Variants in DCXR observed in about 807,000 individuals in gnomAD.
DCXR encodes dicarbonyl and L-xylulose reductase.
In DCXR, 24 loss-of-function variants were observed where a neutral mutation model predicts 25.9. The observed-to-expected ratio is 0.93, with a 90% CI of 0.67 to 1.30. The LOEUF is 1.30. Among genes scored for constraint, DCXR ranks in the 50% most tolerant of loss-of-function variants. The pLI is 0.00. For synonymous variants in DCXR, 161 were observed against 141.7 expected, an observed-to-expected ratio of 1.14 and a Z score of -0.97; for missense variants, 348 against 333.7, an observed-to-expected ratio of 1.04 and a Z score of -0.33.
At chr17:82,037,047 T>C (rs2043501017) in intron 2 of DCXR, 34 bp from the exon 3 acceptor site, 9 of 1,549,064 alleles carry the variant, frequency 5.8e-6, no homozygotes, top group Non-Finnish European at 7.8e-6. Context: ...CCAGAGGCTC[T>C]GTGCCCAGCA....
Position 82,035,917 on chromosome 17 carries a change from G to A in DCXR, c.*43C>T. 3.3e-6 allele frequency: 5 copies of A among 1,521,986 alleles called. No individual in the cohort carries two copies. The highest frequency in any genetic ancestry group is 4.5e-6 in the Non-Finnish European group (5 of 1,100,200). 94.3% of individuals were successfully genotyped at this position (1,521,986 alleles called of 1,614,324 possible). Reference sequence around the variant, plus strand: ...ATCAGGTTTATTGGAGGGATTGGGGGTAGGATGAGCACGGCATGGGGCTTG... The same window carrying A: ...ATCAGGTTTATTGGAGGGATTGGGGATAGGATGAGCACGGCATGGGGCTTG... On this transcript the variant is annotated 3_prime_UTR_variant, in exon 8 of 8. Coordinates refer to ENST00000306869, the MANE Select transcript of DCXR (RefSeq NM_016286.4).
In DCXR at chr17:82,037,464, T is replaced by C; in HGVS notation, c.136A>G (p.Ser46Gly). ...AVSRTQADLD[S>G]LVRECPGIEP... ...GCGGGACCTACCTCGCGGACAAGGC[T>C]GTCAAGATCCGCCTGAGTCCGGCTC... The change falls in exon 2 of 8, where the codon AGC becomes GGC. Residue 46 changes from serine to glycine, a missense_variant. Physicochemically the swap from Ser to Gly is moderately conservative, Grantham distance 56. Transcript: ENST00000306869. 1 of 1,530,716 alleles carries C rather than the reference T, an allele frequency of 6.5e-7. No individual in the cohort carries two copies. Among genetic ancestry groups the C allele is most frequent in the African/African-American group, 1.4e-5 (1 of 71,378 alleles). The allele number at this position is 1,530,716 out of a possible 1,614,324, so 94.8% of individuals were successfully genotyped here.
Position 82,036,262 on chromosome 17 carries a change from C to A in DCXR, c.560G>T (p.Gly187Val), listed in dbSNP as rs1392733735. ...GTGGGGGTCACTCCAGGTGGCCTGG[C>A]CCATGGACGTCATCACCACTGTGGG... ...VNPTVVMTSM[G>V]QATWSDPHKA... Residue 187 changes from glycine (G) to valine (V), a missense_variant, in exon 7 of 8, where the codon GGC (glycine) becomes GTC (valine). Transcript: ENST00000306869. 1 of 1,613,672 alleles carries A rather than the reference C, an allele frequency of 6.2e-7. No individual in the cohort carries two copies. The highest frequency in any genetic ancestry group is 1.7e-5 in the Admixed American group (1 of 60,012).
At position 82,036,438 on chromosome 17, in the gene DCXR, C is replaced by G. The variant is rs762809374; in HGVS notation, c.459G>C (p.Lys153Asn). Residue 153 changes from lysine to asparagine, a missense_variant, in exon 6 of 8, where the codon AAG (lysine) becomes AAC (asparagine). Coordinates refer to ENST00000306869, the MANE Select transcript of DCXR (RefSeq NM_016286.4). ...VTNHSVYCST[K>N]GALDMLTKVM... ...CCTTGGTCAGCATGTCCAGGGCACC[C>G]TTGGTGGAGCCTACGAAGAGGAACC... 7 of 1,613,418 alleles carry G rather than the reference C, an allele frequency of 4.3e-6. No homozygotes were observed. The highest frequency in any genetic ancestry group is 1.1e-5 in the South Asian group (1 of 91,074).
intron 4 of DCXR, 34 bp downstream of exon 4, chr17:82,036,687 C>A: frequency 1.9e-6 from 3 of 1,613,568 alleles, no homozygotes; most frequent in Non-Finnish European, 2.5e-6. Flanking sequence ...GCATCACTCA[C>A]GAGAATTCCC....
chr17:82,037,144 G>T, intron 2 of DCXR, 131 bp from the exon 3 acceptor site: 1 of 1,223,144 alleles, frequency 8.2e-7, no homozygotes, highest in South Asian at 1.4e-5. Context: ...GGACTGTGGG[G>T]CCAGCAGCCG....
intron 2 of DCXR, 173 bp downstream of exon 2, chr17:82,037,277 G>T: frequency 2.2e-6 from 2 of 923,924 alleles, no homozygotes; most frequent in Non-Finnish European, 3.1e-6. Flanking sequence ...CCGACCACCC[G>T]GCCGCCCACG....
rs781252459 is a variant in DCXR at position 82,036,952 on chromosome 17, A to T, written c.212T>A (p.Leu71Gln). The T allele has an allele frequency of 1.2e-5, 19 of 1,603,560 alleles. No individual in the cohort carries two copies. The highest frequency in any genetic ancestry group is 1.2e-5 in the Non-Finnish European group (14 of 1,175,816). ...LGDWEATERA[L>Q]GSVGPVDLLV... ...CAGGTCCACGGGGCCCACGCTGCCC[A>T]GCGCCCGCTCGGTGGCCTCCCAGTC... Residue 71 changes from leucine (L) to glutamine (Q), a missense_variant, in exon 3 of 8, where the codon CTG becomes CAG. Physicochemically the swap from Leu to Gln is moderately radical, Grantham distance 113. Coordinates refer to ENST00000306869, the MANE Select transcript of DCXR (RefSeq NM_016286.4).
At chr17:82,036,479 TGGG>T in intron 5 of DCXR, 31 bp from the exon 6 acceptor site, 1 of 1,612,408 alleles carries the variant, frequency 6.2e-7, no homozygotes, top group Middle Eastern at 1.6e-4. Context: ...TGGCTGGGGC[TGGG>T]GTCGGTGATG....
Position 82,035,953 on chromosome 17 carries a change from A to T in DCXR, c.*7T>A. 6.2e-7 allele frequency: 1 copy of T among 1,610,780 alleles called. No individual in the cohort carries two copies. The highest frequency in any genetic ancestry group is 8.5e-7 in the Non-Finnish European group (1 of 1,178,450). On this transcript the variant is annotated 3_prime_UTR_variant, in exon 8 of 8. Coordinates refer to ENST00000306869, the MANE Select transcript of DCXR (RefSeq NM_016286.4). ...ACGGCATGGGGCTTGAGGTGTGTGG[A>T]GGGAGCTCAGCAGGCCCAGAAGCCC... is the stretch of plus-strand genomic sequence containing the variant.
rs749872041 is a variant in DCXR at position 82,036,388 on chromosome 17, T to C, written c.509A>G (p.His170Arg). ...AGGTACCCCAGCCCTGCTCACCTTG[T>C]GGGGCCCGAGCTCTAGGGCCATCAC... ...TKVMALELGP[H>R]KIRVNAVNPT... Residue 170 changes from histidine to arginine, a missense_variant, in exon 6 of 8, where the codon CAC (histidine) becomes CGC (arginine). By Grantham distance (29) the His-to-Arg change is conservative (BLOSUM62 0). Coordinates refer to ENST00000306869, the MANE Select transcript of DCXR (RefSeq NM_016286.4). The C allele has an allele frequency of 1.2e-6, 2 of 1,613,210 alleles. No individual in the cohort carries two copies. The highest frequency in any genetic ancestry group is 1.7e-6 in the Non-Finnish European group (2 of 1,179,936).
Position 82,036,213 on chromosome 17 carries a change from T to G in DCXR, c.609A>C (p.Arg203=). ...DPHKAKTMLN[R]IPLGKFAEVE... ...CACCAGCAAACTTGCCAAGTGGGAT[T>G]CGGTTCAGCATAGTCTTGGCCTTGT... The change falls in exon 7 of 8, where the codon CGA becomes CGC. Residue 203 remains arginine (R), a synonymous_variant. Coordinates refer to ENST00000306869, the MANE Select transcript of DCXR (RefSeq NM_016286.4). 6.2e-7 allele frequency: 1 copy of G among 1,613,580 alleles called. No individual in the cohort carries two copies. Among genetic ancestry groups the G allele is most frequent in the Non-Finnish European group, 8.5e-7 (1 of 1,179,992 alleles).
chr17:82,036,485 C>T (rs1214236836), intron 5 of DCXR, 37 bp from the exon 6 acceptor site: 19 of 1,612,054 alleles, frequency 1.2e-5, no homozygotes, highest in Non-Finnish European at 1.4e-5. Context: ...GGGCTGGGGT[C>T]GGTGATGAGG....
rs578005905 is a variant in DCXR at position 82,037,502 on chromosome 17, C to G, written c.98G>C (p.Arg33Pro). 1.4e-5 allele frequency: 22 copies of G among 1,540,132 alleles called. No individual in the cohort carries two copies. The highest frequency in any genetic ancestry group is 1.7e-5 in the Non-Finnish European group (20 of 1,150,312). ...TVQALHATGA[R>P]VVAVSRTQAD... ...CTGAGTCCGGCTCACAGCCACCACC[C>G]GCGCGCCCGTCGCGTGCAGCGCCTG... The change falls in exon 2 of 8, where the codon CGG becomes CCG. Residue 33 changes from arginine to proline, a missense_variant. Transcript: ENST00000306869.
rs769687447 is a variant in DCXR, at chr17:82,037,692, G to C, written c.-10C>G. On this transcript the variant is annotated 5_prime_UTR_variant, in exon 1 of 8. Coordinates refer to ENST00000306869, the MANE Select transcript of DCXR (RefSeq NM_016286.4). ...CGAGGAACAGCTCCATGTCGGCGCA[G>C]TCTCCGCCCTCCGCACTGGGGCTGC... is the stretch of plus-strand genomic sequence containing the variant. 6.3e-7 allele frequency: 1 copy of C among 1,587,046 alleles called. No homozygotes were observed. Among genetic ancestry groups the C allele is most frequent in the Non-Finnish European group, 8.5e-7 (1 of 1,174,562 alleles).
In DCXR at chr17:82,036,599, G is replaced by C. The variant is rs772055207; in HGVS notation, c.393C>G (p.Ile131Met). The C allele has an allele frequency of 6.2e-7, 1 of 1,613,008 alleles. No homozygotes were observed. Among genetic ancestry groups the C allele is most frequent in the African/African-American group, 1.3e-5 (1 of 74,900 alleles). ...GLIARGVPGA[I>M]VNVSSQCSQR... is the part of the protein sequence containing the mutation. ...GGGAGCACTGGCTGGAGACATTCAC[G>C]ATGGCCCCTGGGACTCCCCGGGCTA... Residue 131 changes from isoleucine to methionine, a missense_variant, in exon 5 of 8, where the codon ATC becomes ATG. Physicochemically the swap from Ile to Met is conservative, Grantham distance 10. Coordinates refer to ENST00000306869, the MANE Select transcript of DCXR (RefSeq NM_016286.4).
Position 82,036,513 on chromosome 17 carries a change from G to A in DCXR, c.448+31C>T, listed in dbSNP as rs774308885. Reference sequence around the variant, plus strand: ...TGATGAGGGCGAGGCTGGGGCTGGGGTGGGGCTGAGGGCACAGCTGGGGCA... The same window carrying A: ...TGATGAGGGCGAGGCTGGGGCTGGGATGGGGCTGAGGGCACAGCTGGGGCA... On this transcript the variant is annotated intron_variant, in intron 5 of 7. Coordinates refer to ENST00000306869, the MANE Select transcript of DCXR (RefSeq NM_016286.4). The A allele has an allele frequency of 2.0e-5, 32 of 1,612,498 alleles. No individual in the cohort carries two copies. The East Asian group carries it at 6.9e-4, about 35-fold the overall frequency.
chr17:82,037,249 G>C (rs1166520370), intron 2 of DCXR: 1 of 850,716 alleles, frequency 1.2e-6, no homozygotes, highest in Non-Finnish European at 1.8e-6. Context: ...TCTGAGCCCG[G>C]GGGCCCCGGC....
rs1203131978 is a variant in DCXR, at chr17:82,036,963, G to A, written c.201C>T (p.Thr67=). Residue 67 remains threonine, a synonymous_variant, in exon 3 of 8, where the codon ACC becomes ACT. Coordinates refer to ENST00000306869, the MANE Select transcript of DCXR (RefSeq NM_016286.4). ...VCVDLGDWEA[T]ERALGSVGPV... ...GGCCCACGCTGCCCAGCGCCCGCTCGGTGGCCTCCCAGTCACCCAGGTCCA... is the reference window on the plus strand; with the variant it reads ...GGCCCACGCTGCCCAGCGCCCGCTCAGTGGCCTCCCAGTCACCCAGGTCCA... 6 of 1,595,522 alleles carry A rather than the reference G, an allele frequency of 3.8e-6. No individual in the cohort carries two copies. Among genetic ancestry groups the A allele is most frequent in the African/African-American group, 2.7e-5 (2 of 74,250 alleles).
Sources: gnomAD v4.1 joint callset for allele counts on GRCh38, gnomAD v4.1.1 for gene constraint, MANE v1.5 for transcripts, NCBI Gene and HGNC (gene_info 2026-07-23, HGNC 2026-07-21) for gene names.